The following MEI4 variants were observed in gnomAD, a reference collection of about 807,000 sequenced individuals.
The protein encoded by MEI4 is meiotic double-stranded break formation protein 4.
Under a neutral mutation model 31.4 loss-of-function variants are expected in MEI4, and 27 were observed. That is an observed-to-expected ratio of 0.86 (90% CI 0.63 to 1.19). The LOEUF (loss-of-function observed/expected upper bound fraction) is 1.19, where lower values mean the gene tolerates loss of function less well. Among genes scored for constraint, MEI4 ranks in the 50% most tolerant of loss-of-function variants. The pLI, the probability that MEI4 is intolerant of heterozygous loss-of-function variation, is 0.00. For missense variants in MEI4, 329 were observed against 398.9 expected (o/e 0.82, Z 1.49); for synonymous variants, 122 against 145.4 (o/e 0.84, Z 1.16).
rs80126829 is a variant in MEI4, at chr6:77,902,513, T to C, written c.901-20576T>C. On this transcript the variant is annotated intron_variant, in intron 4 of 4. Coordinates refer to ENST00000684080, the MANE Select transcript of MEI4 (RefSeq NM_001322247.2). ...CTTGATTGTGTGGCTAGTTCATTGT[T>C]AGTGTATAGAAGCACTACTGATTTT... Among the ~76,000 whole-genome samples the C allele has an allele frequency of 8.5e-3, 1,289 of 152,278 alleles. 13 individuals are homozygous for C. The highest frequency in any genetic ancestry group is 0.029 in the African/African-American group (1,192 of 41,562).
At chr6:77,874,455 T>C (rs182822996) in intron 4 of MEI4, among the ~76,000 whole-genome samples, 10 of 152,348 alleles carry the variant, frequency 6.6e-5, no homozygotes, top group Admixed American at 4.6e-4. Context: ...ACATTGATTT[T>C]ATATCTTGAG....
chr6:77,870,511 G>GC (rs1314322453), intron 4 of MEI4, among the ~76,000 whole-genome samples: 1 of 152,166 alleles, frequency 6.6e-6, no homozygotes, highest in Non-Finnish European at 1.5e-5. Flanking sequence ...ACTTTGTAAA[G>GC]CAGTATGTCC....
chr6:77,830,905 A>T (rs1190018706), intron 4 of MEI4, among the ~76,000 whole-genome samples: 1 of 152,060 alleles, frequency 6.6e-6, no homozygotes, highest in Non-Finnish European at 1.5e-5. Flanking sequence ...GACAAATGAG[A>T]ATATATCAAG....
chr6:77,844,500 A>G (rs1037657002), intron 4 of MEI4, among the ~76,000 whole-genome samples: 1 of 152,154 alleles, frequency 6.6e-6, no homozygotes, highest in African/African-American at 2.4e-5. Flanking sequence ...GTGAACTGCA[A>G]ATATCCTTCT....
intron 4 of MEI4, among the ~76,000 whole-genome samples, chr6:77,903,395 C>G (rs1766225998): frequency 6.6e-6 from 1 of 152,044 alleles, no homozygotes; most frequent in Non-Finnish European, 1.5e-5. Context: ...TGTTTTCTTT[C>G]CAAATGTAAT....
intron 4 of MEI4, among the ~76,000 whole-genome samples, chr6:77,829,944 G>A (rs1770038016): frequency 6.6e-6 from 1 of 151,994 alleles, no homozygotes; most frequent in East Asian, 1.9e-4. Context: ...TATCTAGTCA[G>A]CAAATTTTCA....
chr6:77,900,203 A>G (rs1766161088), intron 4 of MEI4, among the ~76,000 whole-genome samples: 1 of 152,066 alleles, frequency 6.6e-6, no homozygotes, highest in Non-Finnish European at 1.5e-5. Context: ...TAGAAATGAA[A>G]TTAGTACATC....
At chr6:77,736,463 G>T (rs998561315) in intron 2 of MEI4, among the ~76,000 whole-genome samples, 15 of 152,180 alleles carry the variant, frequency 9.9e-5, no homozygotes, top group Admixed American at 5.2e-4. Context: ...TGTGCTTCTG[G>T]AGTGAGGCAA....
intron 4 of MEI4, among the ~76,000 whole-genome samples, chr6:77,894,484 C>A (rs1766040127): frequency 6.6e-6 from 1 of 151,892 alleles, no homozygotes; most frequent in Non-Finnish European, 1.5e-5. Context: ...GTGCAGTTCA[C>A]TAAGTCTTTC....
intron 3 of MEI4, among the ~76,000 whole-genome samples, chr6:77,762,291 G>C (rs1412080556): frequency 1.3e-5 from 2 of 152,066 alleles, no homozygotes; most frequent in African/African-American, 2.4e-5. Context: ...ATTTAACATG[G>C]CTTAGAAAGA....
At position 77,748,773 on chromosome 6, in the gene MEI4, G is replaced by T. The variant is rs769926770; in HGVS notation, c.233-12357G>T. Among the ~76,000 whole-genome samples, 24 of 152,328 alleles carry T rather than the reference G, an allele frequency of 1.6e-4. 1 individual carries two copies. Among genetic ancestry groups the T allele is most frequent in the Admixed American group, 1.2e-3 (18 of 15,304 alleles). The stretch of plus-strand genomic sequence containing the variant: ...TTTTATGCTCTGTCACCTCTTGAAT[G>T]CTTTGCTGCTTTGAAATTTCTTCAT... On this transcript the variant is annotated intron_variant, in intron 2 of 4. Transcript: ENST00000684080.
intron 3 of MEI4, among the ~76,000 whole-genome samples, chr6:77,796,812 G>C (rs1769089808): frequency 6.6e-6 from 1 of 152,136 alleles, no homozygotes; most frequent in African/African-American, 2.4e-5. Context: ...TTCCAAAGGT[G>C]CCTTTCACTG....
At chr6:77,790,319 G>C (rs1200473482) in intron 3 of MEI4, among the ~76,000 whole-genome samples, 1 of 151,452 alleles carries the variant, frequency 6.6e-6, no homozygotes, top group Non-Finnish European at 1.5e-5. Flanking sequence ...GAGTTAATGG[G>C]TGCAGCACAC....
At chr6:77,851,641 G>T (rs534041909) in intron 4 of MEI4, among the ~76,000 whole-genome samples, 8 of 113,928 alleles carry the variant, frequency 7.0e-5, no homozygotes, top group African/African-American at 2.7e-4. Context: ...TTTGGGGTGG[G>T]GGGAGGGGGG....
At chr6:77,825,465 C>T (rs971067142) in intron 3 of MEI4, among the ~76,000 whole-genome samples, 5 of 152,316 alleles carry the variant, frequency 3.3e-5, no homozygotes, top group African/African-American at 1.2e-4. Context: ...AAGTCACAGT[C>T]TAACAGAAAT....
chr6:77,808,729 A>G (rs1582171006), intron 3 of MEI4, among the ~76,000 whole-genome samples: 1 of 152,268 alleles, frequency 6.6e-6, no homozygotes, highest in African/African-American at 2.4e-5. Flanking sequence ...AATGTGAAGG[A>G]TATTTATTTA....
intron 4 of MEI4, among the ~76,000 whole-genome samples, chr6:77,883,717 G>GATATATGTAT (rs1554172070): frequency 4.6e-5 from 2 of 43,324 alleles, no homozygotes; most frequent in East Asian, 2.8e-3. Context: ...TATTATGTAA[G>GATATATGTAT]ATATATATAT....
intron 3 of MEI4, among the ~76,000 whole-genome samples, chr6:77,796,818 C>T (rs1457873917): frequency 6.6e-6 from 1 of 152,158 alleles, no homozygotes; most frequent in African/African-American, 2.4e-5. Context: ...AGGTGCCTTT[C>T]ACTGAAATAT....
intron 4 of MEI4, among the ~76,000 whole-genome samples, chr6:77,841,340 T>TTTTTA (rs1770360259): frequency 9.2e-6 from 1 of 108,682 alleles, no homozygotes; most frequent in African/African-American, 4.1e-5. Context: ...TATATTTTTT[T>TTTTTA]TTTTTTTTTT....
Sources: gnomAD v4.1 joint callset for allele counts (sites outside exome capture counted in the v4.1 genomes callset) on GRCh38, gnomAD v4.1.1 for gene constraint, MANE v1.5 for transcripts, NCBI Gene and HGNC (gene_info 2026-07-23, HGNC 2026-07-21) for gene names.